Variants in SGCD observed in about 807,000 individuals in gnomAD.
The protein encoded by SGCD is delta-sarcoglycan.
A neutral mutation model predicts 36.6 loss-of-function variants in SGCD; 18 were observed. That is an observed-to-expected ratio of 0.49 (90% CI 0.34 to 0.73). The LOEUF is 0.73. SGCD is among the 30% of genes least tolerant of loss of function. The pLI is 0.01. For synonymous variants in SGCD, 133 were observed against 130.6 expected, an observed-to-expected ratio of 1.02 and a Z score of -0.12; for missense variants, 387 against 346.7, an observed-to-expected ratio of 1.12 and a Z score of -0.92.
At chr5:156,286,823 T>TAAA (rs796869004) in intron 3 of SGCD, among the ~76,000 whole-genome samples, 2 of 142,774 alleles carry the variant, frequency 1.4e-5, no homozygotes, top group African/African-American at 5.1e-5. Flanking sequence ...TAAAGTATAA[T>TAAA]AAAAAAAAAA....
chr5:156,684,292 AC>A (rs1287079278), intron 7 of SGCD, among the ~76,000 whole-genome samples: 3 of 152,072 alleles, frequency 2.0e-5, no homozygotes, highest in African/African-American at 7.2e-5. Flanking sequence ...GGATGCTATG[AC>A]AAGAAAGAAA....
At chr5:156,206,616 G>A (rs1011010456) in intron 3 of SGCD, among the ~76,000 whole-genome samples, 2 of 152,034 alleles carry the variant, frequency 1.3e-5, no homozygotes, top group African/African-American at 4.8e-5. Context: ...ATGGCTTTAT[G>A]TAACATCTTA....
chr5:155,851,100 C>G, the SGCD span, among the ~76,000 whole-genome samples: 1 of 152,140 alleles, frequency 6.6e-6, no homozygotes, highest in Non-Finnish European at 1.5e-5. Flanking sequence ...TGGTATCTTT[C>G]TCTTTCTGAG....
intron 3 of SGCD, among the ~76,000 whole-genome samples, chr5:156,403,176 C>T (rs1265003755): frequency 6.6e-6 from 1 of 152,150 alleles, no homozygotes; most frequent in African/African-American, 2.4e-5. Flanking sequence ...ATCCATCCTC[C>T]CCAGTGAGGA....
the SGCD span, among the ~76,000 whole-genome samples, chr5:155,757,035 A>G: frequency 6.6e-6 from 1 of 152,204 alleles, no homozygotes. Context: ...GCTTTGGACC[A>G]CAGGCGGGGT....
the SGCD span, among the ~76,000 whole-genome samples, chr5:155,752,130 C>A: frequency 6.6e-6 from 1 of 152,172 alleles, no homozygotes; most frequent in South Asian, 2.1e-4. Context: ...CCAAAATGAC[C>A]ATTTGTGTCT....
chr5:155,963,076 A>G (rs887345607), intron 1 of SGCD, among the ~76,000 whole-genome samples: 2 of 152,112 alleles, frequency 1.3e-5, no homozygotes, highest in Non-Finnish European at 1.5e-5. Context: ...CCAATAATCA[A>G]TGCTAATATT....
At chr5:155,849,129 T>C in the SGCD span, among the ~76,000 whole-genome samples, 2 of 152,162 alleles carry the variant, frequency 1.3e-5, no homozygotes, top group South Asian at 2.1e-4. Context: ...CACCAGAGCA[T>C]GTCCTCAAGT....
intron 1 of SGCD, among the ~76,000 whole-genome samples, chr5:156,023,485 A>G (rs748678857): frequency 2.6e-5 from 4 of 152,236 alleles, no homozygotes; most frequent in South Asian, 2.1e-4. Context: ...TATGTCAGTA[A>G]ACATTACTGG....
rs541268345 is a variant in SGCD, at chr5:156,350,267, A to G, written c.192+5590A>G. Among the ~76,000 whole-genome samples the G allele has an allele frequency of 2.8e-4, 40 of 144,722 alleles. 2 individuals are homozygous for G. In the South Asian group the frequency reaches 8.1e-3, roughly 29 times the overall value. The allele number at this position is 144,722 out of a possible 152,430, so 94.9% of individuals were successfully genotyped here. On this transcript the variant is annotated intron_variant, in intron 3 of 8. Transcript: ENST00000337851. ...AAAAATTATATATATATATATATGT[A>G]CACACACACATATACCCACACATTT...
chr5:156,604,726 A>ATATATGTATATATATATATACACATTT (rs1761347093), intron 6 of SGCD, among the ~76,000 whole-genome samples: 1 of 110,084 alleles, frequency 9.1e-6, no homozygotes, highest in Non-Finnish European at 1.8e-5. Flanking sequence ...TATGCACATT[A>ATATATGTATATATATATATACACATTT]TATATGTATA....
intron 3 of SGCD, among the ~76,000 whole-genome samples, chr5:156,467,373 A>T (rs937800547): frequency 1.3e-5 from 2 of 152,222 alleles, no homozygotes; most frequent in African/African-American, 2.4e-5. Context: ...GTTATTCAGG[A>T]TTCATCTGGT....
chr5:156,273,052 A>G (rs964743690), intron 3 of SGCD, among the ~76,000 whole-genome samples: 1 of 152,142 alleles, frequency 6.6e-6, no homozygotes, highest in South Asian at 2.1e-4. Context: ...TCCTTTCTTC[A>G]TACATTTTCC....
intron 3 of SGCD, among the ~76,000 whole-genome samples, chr5:156,382,599 G>A (rs1580903348): frequency 6.6e-6 from 1 of 152,202 alleles, no homozygotes; most frequent in East Asian, 1.9e-4. Context: ...AAAATAAAAA[G>A]TAATAAAAAT....
rs772536206 is a variant in SGCD, at chr5:155,992,292, A to G, written c.-282+121868A>G. 1.4e-4 allele frequency among the ~76,000 whole-genome samples: 22 copies of G among 152,144 alleles called. 1 individual carries two copies. The highest frequency in any genetic ancestry group is 2.4e-5 in the African/African-American group (1 of 41,428). ...CTTCTGATTGGTACAGGTTATACAAATGACTGCAACTCTATTTTCTTTGCT... is the reference window on the plus strand; with the variant it reads ...CTTCTGATTGGTACAGGTTATACAAGTGACTGCAACTCTATTTTCTTTGCT... On this transcript the variant is annotated intron_variant, in intron 1 of 9. Transcript: ENST00000517913.
chr5:156,723,444 C>G (rs1755611593), intron 7 of SGCD, among the ~76,000 whole-genome samples: 1 of 152,098 alleles, frequency 6.6e-6, no homozygotes, highest in Admixed American at 6.5e-5. Flanking sequence ...TAGCAGTGAA[C>G]AAAACAATAG....
At chr5:156,222,891 A>T (rs887103025) in intron 3 of SGCD, among the ~76,000 whole-genome samples, 1 of 151,966 alleles carries the variant, frequency 6.6e-6, no homozygotes. Flanking sequence ...CATTCAGGAA[A>T]CCTTCCTGTC....
At chr5:156,018,238 G>A (rs1057030992) in intron 1 of SGCD, among the ~76,000 whole-genome samples, 2 of 152,092 alleles carry the variant, frequency 1.3e-5, no homozygotes, top group Non-Finnish European at 2.9e-5. Context: ...TTGTGATAGT[G>A]GAAAATTCTC....
At chr5:156,650,160 C>G (rs776725149) in intron 7 of SGCD, among the ~76,000 whole-genome samples, 17 of 152,232 alleles carry the variant, frequency 1.1e-4, no homozygotes, top group Non-Finnish European at 1.3e-4. Flanking sequence ...TGTTACACAA[C>G]TTATAAACAA....
Sources: gnomAD v4.1 joint callset for allele counts (sites outside exome capture counted in the v4.1 genomes callset) on GRCh38, gnomAD v4.1.1 for gene constraint, MANE v1.5 for transcripts, NCBI Gene and HGNC (gene_info 2026-07-23, HGNC 2026-07-21) for gene names.